NRDE2: variants seen among roughly 807,000 people sequenced by gnomAD.
NRDE2 encodes the protein nuclear exosome regulator NRDE2.
In NRDE2, 76 loss-of-function variants were observed where a neutral mutation model predicts 124.2. The observed-to-expected ratio is 0.61, with a 90% CI of 0.51 to 0.74. The LOEUF (loss-of-function observed/expected upper bound fraction) is 0.74. Among genes scored for constraint, NRDE2 ranks in the 30% least tolerant of loss-of-function variants. NRDE2 has a pLI of 0.00. For synonymous variants in NRDE2, 489 were observed against 528.1 expected, an observed-to-expected ratio of 0.93 and a Z score of 1.01; for missense variants, 1,314 against 1,417.3, an observed-to-expected ratio of 0.93 and a Z score of 1.17.
chr14:90,310,727 C>T (rs1884804104), intron 4 of NRDE2, among the ~76,000 whole-genome samples: 3 of 152,014 alleles, frequency 2.0e-5, no homozygotes, highest in Admixed American at 1.3e-4. Context: ...ACCACGTTGG[C>T]CAGGCTGGTC....
At chr14:90,306,139 C>T (rs1048213213) in intron 4 of NRDE2, among the ~76,000 whole-genome samples, 1 of 152,144 alleles carries the variant, frequency 6.6e-6, no homozygotes, top group African/African-American at 2.4e-5. Context: ...TCAACTTTTG[C>T]TGTATATTAA....
intron 4 of NRDE2, among the ~76,000 whole-genome samples, chr14:90,306,579 G>A (rs1884609080): frequency 1.3e-5 from 2 of 152,324 alleles, no homozygotes; most frequent in South Asian, 4.1e-4. Flanking sequence ...GGGAGGCTGA[G>A]GCGGGTGGAT....
At chr14:90,324,764 C>CAGA in intron 1 of NRDE2, among the ~76,000 whole-genome samples, 1 of 152,034 alleles carries the variant, frequency 6.6e-6, no homozygotes, top group Admixed American at 6.5e-5. Context: ...ATGTGACCTT[C>CAGA]AGAAGTTACT....
intron 7 of NRDE2, among the ~76,000 whole-genome samples, chr14:90,299,408 G>GGTCTGTA (rs10676385): frequency 2.6e-5 from 4 of 151,836 alleles, no homozygotes; most frequent in African/African-American, 9.7e-5. Context: ...TCGAGCATTA[G>GGTCTGTA]GTGTGTGGTA....
Position 90,301,344 on chromosome 14 carries a change from C to T in NRDE2, c.1440G>A (p.Leu480=), listed in dbSNP as rs367810658. Residue 480 remains leucine, a synonymous_variant, in exon 7 of 14, where the codon CTG becomes CTA. Coordinates refer to ENST00000354366, the MANE Select transcript of NRDE2 (RefSeq NM_017970.4). ...FALFLQQCHF[L]RQAGHSEKAI... ...CCTTCTCAGAGTGGCCAGCCTGCCG[C>T]AGAAAGTGGCACTGCTGAAGAAAGA... 1 of 1,613,778 alleles carries T rather than the reference C, an allele frequency of 6.2e-7. No homozygotes were observed. Among genetic ancestry groups the T allele is most frequent in the African/African-American group, 1.3e-5 (1 of 74,888 alleles).
At chr14:90,299,207 CA>C (rs890455302) in intron 7 of NRDE2, among the ~76,000 whole-genome samples, 1 of 152,032 alleles carries the variant, frequency 6.6e-6, no homozygotes, top group Non-Finnish European at 1.5e-5. Context: ...CCACCACACC[CA>C]GCTAATTTTG....
At position 90,298,354 on chromosome 14, in the gene NRDE2, G is replaced by A; in HGVS notation, c.1572C>T (p.Asp524=). 1 of 1,613,742 alleles carries A rather than the reference G, an allele frequency of 6.2e-7. No homozygotes were observed. Among genetic ancestry groups the A allele is most frequent in the South Asian group, 1.1e-5 (1 of 91,084 alleles). Reference sequence around the variant, plus strand: ...TCTCCCCAGCCCGGGGCTCTCCACTGTCCCAAAAGGGTTCAAAGAATTCCA... The same window carrying A: ...TCTCCCCAGCCCGGGGCTCTCCACTATCCCAAAAGGGTTCAAAGAATTCCA... ...GQVEFFEPFW[D]SGEPRAGEKG... Residue 524 remains aspartate (D), a synonymous_variant, in exon 8 of 14, where the codon GAC becomes GAT. Transcript: ENST00000354366.
chr14:90,303,151 A>G, intron 5 of NRDE2, 26 bp from the exon 6 acceptor site: 1 of 1,590,542 alleles, frequency 6.3e-7, no homozygotes, highest in Non-Finnish European at 8.6e-7. Flanking sequence ...ACCAATTTAC[A>G]AATGCAAATG....
chr14:90,309,085 A>G (rs78898095), intron 4 of NRDE2, among the ~76,000 whole-genome samples: 1 of 152,230 alleles, frequency 6.6e-6, no homozygotes, highest in Middle Eastern at 3.4e-3. Flanking sequence ...TACTAAAAAT[A>G]CAAAAATACA....
chr14:90,285,685 T>C (rs569643305), intron 12 of NRDE2, among the ~76,000 whole-genome samples: 1 of 152,010 alleles, frequency 6.6e-6, no homozygotes, highest in South Asian at 2.1e-4. Flanking sequence ...CAGGCCGGAG[T>C]GCAGTGGTGT....
intron 12 of NRDE2, chr14:90,280,342 G>T (rs1203163321): frequency 6.6e-6 from 1 of 152,240 alleles, no homozygotes; most frequent in African/African-American, 2.4e-5. Context: ...AGGGCCAGCT[G>T]TGAGGCTCGG....
intron 4 of NRDE2, among the ~76,000 whole-genome samples, chr14:90,310,278 C>A (rs1884777792): frequency 6.6e-6 from 1 of 152,162 alleles, no homozygotes; most frequent in South Asian, 2.1e-4. Context: ...GGTGAAAGAA[C>A]ATTTGAAATG....
intron 9 of NRDE2, among the ~76,000 whole-genome samples, chr14:90,291,643 T>C (rs1016678305): frequency 6.6e-6 from 1 of 152,192 alleles, no homozygotes; most frequent in Admixed American, 6.5e-5. Context: ...TCTCCAAGAC[T>C]TCCAGTGAGT....
chr14:90,271,102 A>G lies in NRDE2; in HGVS notation c.*7234T>C, dbSNP rs1314220000. On this transcript the variant is annotated 3_prime_UTR_variant, in exon 14 of 14. Transcript: ENST00000354366. ...TACTTTGACAATTTTCAAGCCTTCA[A>G]AAAAGTTGCAACAATAGCACAGTGA... 2.6e-5 allele frequency: 4 copies of G among 152,362 alleles called. No homozygotes were observed. Among genetic ancestry groups the G allele is most frequent in the African/African-American group, 9.6e-5 (4 of 41,588 alleles). 9.4% of individuals were successfully genotyped at this position (152,362 alleles called of 1,614,324 possible).
intron 4 of NRDE2, among the ~76,000 whole-genome samples, chr14:90,305,214 T>C (rs1450126244): frequency 1.3e-5 from 2 of 150,642 alleles, no homozygotes; most frequent in African/African-American, 4.9e-5. Context: ...AAAACCACAA[T>C]GAGGTACCCC....
chr14:90,292,986 G>T lies in NRDE2; in HGVS notation c.1667-114C>A. 4.5e-6 allele frequency: 4 copies of T among 893,802 alleles called. No homozygotes were observed. The South Asian group carries it at 4.8e-5, about 11-fold the overall frequency. 55.4% of individuals were successfully genotyped at this position (893,802 alleles called of 1,614,324 possible). Reference sequence around the variant, plus strand: ...ACCCGCAATGCCAAGATGTGTAAGAGCCATGCCAGTCTCCCAGGATACTCA... The same window carrying T: ...ACCCGCAATGCCAAGATGTGTAAGATCCATGCCAGTCTCCCAGGATACTCA... On this transcript the variant is annotated intron_variant, in intron 8 of 13. Coordinates refer to ENST00000354366, the MANE Select transcript of NRDE2 (RefSeq NM_017970.4).
intron 4 of NRDE2, among the ~76,000 whole-genome samples, chr14:90,306,001 C>A (rs1425460802): frequency 6.6e-6 from 1 of 152,036 alleles, no homozygotes; most frequent in Non-Finnish European, 1.5e-5. Context: ...CTTTGAAATG[C>A]ATCAAAAAAA....
intron 8 of NRDE2, among the ~76,000 whole-genome samples, chr14:90,295,881 T>C (rs1370252755): frequency 2.0e-5 from 3 of 152,250 alleles, no homozygotes; most frequent in Admixed American, 6.5e-5. Flanking sequence ...AGTTTCTCCA[T>C]AATGGAAATG....
chr14:90,303,011 T>C lies in NRDE2; in HGVS notation c.1120A>G (p.Ile374Val), dbSNP rs1566692555. Residue 374 changes from isoleucine (I) to valine (V), a missense_variant, in exon 6 of 14, where the codon ATT becomes GTT. Transcript: ENST00000354366. ...EKKLAILERA[I>V]ESNQSSVDLK... ...TCCACACTGCTCTGGTTGCTCTCAA[T>C]GGCCCGCTCCAGAATGGCCAGCTTC... The C allele has an allele frequency of 1.2e-6, 2 of 1,614,052 alleles. No individual in the cohort carries two copies. The highest frequency in any genetic ancestry group is 1.7e-6 in the Non-Finnish European group (2 of 1,180,040).
Sources: gnomAD v4.1 joint callset for allele counts (sites outside exome capture counted in the v4.1 genomes callset) on GRCh38, gnomAD v4.1.1 for gene constraint, MANE v1.5 for transcripts, NCBI Gene and HGNC (gene_info 2026-07-23, HGNC 2026-07-21) for gene names.